The following MYH13 variants were observed in gnomAD, a reference collection of about 807,000 sequenced individuals.
The protein encoded by MYH13 is myosin heavy chain 13, also known as myosin-13.
In MYH13, 177 loss-of-function variants were observed where a neutral mutation model predicts 232.1. The ratio of observed to expected loss-of-function variants is 0.76; its 90% CI spans 0.67 to 0.86. The LOEUF is 0.86. Ranked by LOEUF, MYH13 falls within the 40% of genes least tolerant of loss-of-function variation. The pLI, the probability that MYH13 is intolerant of heterozygous loss-of-function variation, is 0.00. For missense variants in MYH13, 2,246 were observed against 2,405.9 expected (o/e 0.93, Z 1.39); for synonymous variants, 884 against 923.5 (o/e 0.96, Z 0.78).
At chr17:10,301,921 T>C (rs1017435815) in intron 39 of MYH13, among the ~76,000 whole-genome samples, 1 of 152,168 alleles carries the variant, frequency 6.6e-6, no homozygotes, top group African/African-American at 2.4e-5. Context: ...TACTGTCCCT[T>C]CTAGGACCTC....
intron 3 of MYH13, 66 bp from the exon 4 acceptor site, chr17:10,362,569 G>A (rs143402057): frequency 1.9e-6 from 3 of 1,595,638 alleles, no homozygotes; most frequent in Non-Finnish European, 2.6e-6. Context: ...CACTTTACTG[G>A]TGTGGTGGAA....
intron 5 of MYH13, among the ~76,000 whole-genome samples, chr17:10,360,844 CA>C (rs1263035418): frequency 6.6e-6 from 1 of 152,120 alleles, no homozygotes; most frequent in Non-Finnish European, 1.5e-5. Flanking sequence ...TGGAGACACA[CA>C]AGCACATGGG....
intron 11 of MYH13, 143 bp from the exon 12 acceptor site, chr17:10,350,837 T>A: frequency 9.4e-7 from 1 of 1,064,648 alleles, no homozygotes; most frequent in Non-Finnish European, 1.4e-6. Flanking sequence ...GGGGATGTGG[T>A]AAATTAGAAA....
At chr17:10,345,427 T>C in intron 14 of MYH13, 40 bp downstream of exon 14, 1 of 1,614,154 alleles carries the variant, frequency 6.2e-7, no homozygotes, top group Non-Finnish European at 8.5e-7. Flanking sequence ...ACATTGGAGA[T>C]TCAGCAAAGC....
Position 10,306,886 on chromosome 17 carries a change from C to T in MYH13, c.5295+53G>A, listed in dbSNP as rs561859689. 6.2e-7 allele frequency: 1 copy of T among 1,607,652 alleles called. No individual in the cohort carries two copies. The highest frequency in any genetic ancestry group is 1.3e-5 in the African/African-American group (1 of 74,720). The stretch of plus-strand genomic sequence containing the variant: ...TACTTGCCACACCCTGGCTCAGAGG[C>T]CCCACTTTCTCAGTTCCAAACCCCA... On this transcript the variant is annotated intron_variant, in intron 36 of 40. Coordinates refer to ENST00000252172, the MANE Select transcript of MYH13 (RefSeq NM_003802.3). The surrounding 1 kb of genome is among the most constrained non-coding windows in gnomAD (Gnocchi z 4.3).
chr17:10,303,464 T>C lies in MYH13; in HGVS notation c.5501A>G (p.Gln1834Arg). 2 of 1,614,032 alleles carry C rather than the reference T, an allele frequency of 1.2e-6. No individual in the cohort carries two copies. Among genetic ancestry groups the C allele is most frequent in the Non-Finnish European group, 1.7e-6 (2 of 1,179,894 alleles). ...RELENELDVE[Q>R]KRGAEALKGA... ...CTTCAGGGCTTCAGCTCCCCTCTTC[T>C]GTTCCACATCAAGCTCATTTTCCAG... The change falls in exon 38 of 41, where the codon CAG becomes CGG. Residue 1834 changes from glutamine (Q) to arginine (R), a missense_variant. Transcript: ENST00000252172.
chr17:10,303,939 C>G (rs1294857864), intron 37 of MYH13, among the ~76,000 whole-genome samples: 1 of 152,050 alleles, frequency 6.6e-6, no homozygotes, highest in African/African-American at 2.4e-5. Context: ...TACTATGCAG[C>G]CATAAAAAAG....
intron 12 of MYH13, among the ~76,000 whole-genome samples, chr17:10,349,549 G>A (rs115052199): frequency 0.014 from 2,193 of 152,152 alleles, 72 homozygotes; most frequent in African/African-American, 0.05. Flanking sequence ...AAGACTTGGA[G>A]TCCCCTCCAC....
Position 10,309,639 on chromosome 17 carries a change from C to G in MYH13, c.4848G>C (p.Leu1616=). Residue 1616 remains leucine (L), a synonymous_variant, in exon 34 of 41, where the codon CTG becomes CTC. Transcript: ENST00000252172. ...DAEIRSRNDA[L]RLKKKMEGDL... ...CTCCCTCCATCTTCTTCTTTAGCCT[C>G]AGGGCGTCGTTCCGGCTGCGGATTT... is the stretch of plus-strand genomic sequence containing the variant. 3.1e-6 allele frequency: 5 copies of G among 1,612,550 alleles called. No homozygotes were observed. The highest frequency in any genetic ancestry group is 4.2e-6 in the Non-Finnish European group (5 of 1,179,314).
chr17:10,308,411 C>CTA (rs34897846), intron 35 of MYH13, among the ~76,000 whole-genome samples: 112,118 of 136,776 alleles, frequency 0.82, 46,287 homozygotes, highest in African/African-American at 0.92. Flanking sequence ...CATACTTTGA[C>CTA]TATATATATA....
rs1213111857 is a variant in MYH13, at chr17:10,309,219, T to G, written c.5169+15A>C. ...CCAGGGTGGACCTTCAGCGGAGGAG[T>G]GAGGGCCGACGCACCTGGGAGTGCA... is the stretch of plus-strand genomic sequence containing the variant. On this transcript the variant is annotated intron_variant, in intron 35 of 40. Transcript: ENST00000252172. 9 of 1,610,020 alleles carry G rather than the reference T, an allele frequency of 5.6e-6. No homozygotes were observed. The highest frequency in any genetic ancestry group is 1.1e-5 in the South Asian group (1 of 90,656).
intron 23 of MYH13, among the ~76,000 whole-genome samples, chr17:10,322,479 G>A (rs137888708): frequency 4.6e-5 from 7 of 152,126 alleles, no homozygotes; most frequent in South Asian, 2.1e-4. Context: ...CACCCAACAC[G>A]GAACTTGAAG....
rs1355155493 is a variant in MYH13, at chr17:10,315,698, T to C, written c.3979A>G (p.Thr1327Ala). Residue 1327 changes from threonine (T) to alanine (A), a missense_variant, in exon 29 of 41, where the codon ACC becomes GCC. Thr to Ala is a moderately conservative substitution (Grantham distance 58). Coordinates refer to ENST00000252172, the MANE Select transcript of MYH13 (RefSeq NM_003802.3). ...ATCTGACTCTATATCTTTACCTTGG[T>C]TTCTTCTTCCATTTGCCTCTTAAGC... ...EELKRQMEEE[T>A]KAKNAMAHAL... 1 of 1,613,798 alleles carries C rather than the reference T, an allele frequency of 6.2e-7. No homozygotes were observed. The highest frequency in any genetic ancestry group is 1.1e-5 in the South Asian group (1 of 91,022).
At chr17:10,347,167 C>T (rs1038582707) in intron 12 of MYH13, among the ~76,000 whole-genome samples, 7 of 152,138 alleles carry the variant, frequency 4.6e-5, no homozygotes, top group African/African-American at 1.4e-4. Flanking sequence ...GTCAGGAGTT[C>T]GAGATCAGCC....
rs534981051 is a variant in MYH13, at chr17:10,338,067, G to A, written c.2056+2083C>T. On this transcript the variant is annotated intron_variant, in intron 18 of 40. Coordinates refer to ENST00000252172, the MANE Select transcript of MYH13 (RefSeq NM_003802.3). ...AGTCTGTCTCAAAAAAGAAAAAAAA[G>A]TAAGCCAGTGGATTACCAAAAGCAT... Among the ~76,000 whole-genome samples the A allele has an allele frequency of 7.9e-4, 120 of 152,138 alleles. 2 individuals carry two copies. The South Asian group carries it at 0.018, about 23-fold the overall frequency.
chr17:10,354,278 G>A (rs138973490), intron 11 of MYH13, among the ~76,000 whole-genome samples: 21 of 152,232 alleles, frequency 1.4e-4, no homozygotes, highest in African/African-American at 4.1e-4. Flanking sequence ...AAATGGAGAG[G>A]CTATTACAGA....
At chr17:10,315,643 G>T in intron 29 of MYH13, 50 bp downstream of exon 29, 1 of 1,498,592 alleles carries the variant, frequency 6.7e-7, no homozygotes, top group Non-Finnish European at 9.2e-7. Flanking sequence ...CACGGGTGAA[G>T]TGGTCATATA....
intron 11 of MYH13, among the ~76,000 whole-genome samples, chr17:10,353,685 C>T (rs11654213): frequency 0.66 from 99,773 of 151,782 alleles, 33,166 homozygotes; most frequent in East Asian, 0.79. Context: ...GCCAACATGG[C>T]GAAACCCCAA....
intron 18 of MYH13, among the ~76,000 whole-genome samples, chr17:10,337,206 C>T (rs568609027): frequency 3.0e-4 from 46 of 152,178 alleles, no homozygotes; most frequent in Non-Finnish European, 3.8e-4. Flanking sequence ...CCACCATGCC[C>T]GGGCGTGACT....
Sources: allele counts gnomAD v4.1 joint callset (sites outside exome capture counted in the v4.1 genomes callset), GRCh38; gene constraint gnomAD v4.1.1; non-coding constraint Gnocchi (gnomAD v3.1); transcripts MANE v1.5; gene names NCBI Gene and HGNC (gene_info 2026-07-23, HGNC 2026-07-21).